OSBPL9: variants seen among roughly 807,000 people sequenced by gnomAD.
OSBPL9 encodes the protein oxysterol-binding protein-related protein 9.
In OSBPL9, 40 loss-of-function variants were observed where a neutral mutation model predicts 106.6. The ratio of observed to expected loss-of-function variants is 0.38; its 90% CI spans 0.29 to 0.49. OSBPL9 has a LOEUF of 0.49. Among genes scored for constraint, OSBPL9 ranks in the 20% least tolerant of loss-of-function variants. The pLI is 0.97. For synonymous variants in OSBPL9, 269 were observed against 295.4 expected (o/e 0.91, Z 0.92); for missense variants, 609 against 887.2 (o/e 0.69, Z 3.98).
intron 1 of OSBPL9, among the ~76,000 whole-genome samples, chr1:51,591,198 G>T (rs1035480009): frequency 2.0e-5 from 3 of 151,918 alleles, no homozygotes; most frequent in African/African-American, 4.8e-5. Flanking sequence ...GATTACAGGC[G>T]TGAGCCACCG....
intron 1 of OSBPL9, among the ~76,000 whole-genome samples, chr1:51,624,626 A>G (rs1319112763): frequency 6.6e-6 from 1 of 152,038 alleles, no homozygotes; most frequent in Non-Finnish European, 1.5e-5. Flanking sequence ...AAATAAATCC[A>G]AACACCCTGA....
At chr1:51,636,153 T>G (rs12746249) in intron 1 of OSBPL9, among the ~76,000 whole-genome samples, 1 of 100,494 alleles carries the variant, frequency 1.0e-5, no homozygotes, top group Non-Finnish European at 2.0e-5. Flanking sequence ...CTCTCTCTTG[T>G]TTTTTTTTTT....
intron 3 of OSBPL9, chr1:51,707,180 G>A (rs760846462): frequency 2.7e-5 from 11 of 406,094 alleles, no homozygotes; most frequent in African/African-American, 1.4e-4. Flanking sequence ...CCACCCTGTT[G>A]GTGTAGCCAG....
chr1:51,662,261 T>C (rs1647234715), intron 2 of OSBPL9, among the ~76,000 whole-genome samples: 2 of 151,996 alleles, frequency 1.3e-5, no homozygotes, highest in South Asian at 2.1e-4. Flanking sequence ...TGTTAAAGAG[T>C]ATAAAGACTT....
At chr1:51,534,236 T>C in the OSBPL9 span, among the ~76,000 whole-genome samples, 2 of 151,884 alleles carry the variant, frequency 1.3e-5, no homozygotes, top group Non-Finnish European at 2.9e-5. Context: ...CTGTTTATCA[T>C]GTTATGAAGT....
At chr1:51,596,669 A>G (rs1228159121) in intron 1 of OSBPL9, among the ~76,000 whole-genome samples, 1 of 151,952 alleles carries the variant, frequency 6.6e-6, no homozygotes, top group Non-Finnish European at 1.5e-5. Context: ...AATCCCAGCT[A>G]TTCAGGAGGC....
At chr1:51,602,330 C>T (rs968112169) in intron 2 of OSBPL9, among the ~76,000 whole-genome samples, 6 of 151,782 alleles carry the variant, frequency 4.0e-5, no homozygotes, top group South Asian at 2.1e-4. Context: ...ATTCTTCCAT[C>T]CTGCCTCTAC....
chr1:51,734,181 G>A (rs1665134962), intron 4 of OSBPL9, among the ~76,000 whole-genome samples: 1 of 152,176 alleles, frequency 6.6e-6, no homozygotes, highest in African/African-American at 2.4e-5. Flanking sequence ...GAGAACTGTA[G>A]TTCCTGCCAT....
intron 4 of OSBPL9, among the ~76,000 whole-genome samples, chr1:51,723,599 T>C (rs1662551396): frequency 6.6e-6 from 1 of 152,090 alleles, no homozygotes; most frequent in African/African-American, 2.4e-5. Flanking sequence ...CAGGCTGGAG[T>C]GCAGTGGCCC....
In OSBPL9 at chr1:51,785,794, C is replaced by T. The variant is rs201485404; in HGVS notation, c.1830-14C>T. On this transcript the variant is annotated splice_polypyrimidine_tract_variant and intron_variant, in intron 20 of 23. Coordinates refer to ENST00000428468, the MANE Select transcript of OSBPL9 (RefSeq NM_024586.6). ...CAACTTGAGACTAACACAAGTATTT[C>T]CTTTTCTGTTCAGTTCTCCAAATGA... is the stretch of plus-strand genomic sequence containing the variant. The T allele has an allele frequency of 7.2e-4, 1,160 of 1,610,410 alleles. 1 individual carries two copies. Among genetic ancestry groups the T allele is most frequent in the Non-Finnish European group, 9.1e-4 (1,073 of 1,177,314 alleles).
intron 4 of OSBPL9, among the ~76,000 whole-genome samples, chr1:51,717,647 A>C (rs192517660): frequency 1.4e-3 from 217 of 151,556 alleles, no homozygotes; most frequent in Non-Finnish European, 2.5e-3. Flanking sequence ...AACTACAATG[A>C]GATATCATTT....
chr1:51,779,806 G>C (rs1053318777), intron 15 of OSBPL9, among the ~76,000 whole-genome samples: 1 of 152,104 alleles, frequency 6.6e-6, no homozygotes, highest in Non-Finnish European at 1.5e-5. Context: ...GGCCGGGCGC[G>C]GTGGCTCACA....
chr1:51,762,676 T>C (rs1347212422), intron 11 of OSBPL9, among the ~76,000 whole-genome samples: 4 of 152,250 alleles, frequency 2.6e-5, no homozygotes, highest in Non-Finnish European at 1.5e-5. Flanking sequence ...GCATATACAC[T>C]TATGTCGTGT....
At chr1:51,577,728 C>G (rs1037381091) in intron 1 of OSBPL9, among the ~76,000 whole-genome samples, 1 of 152,206 alleles carries the variant, frequency 6.6e-6, no homozygotes, top group Non-Finnish European at 1.5e-5. Flanking sequence ...TGAGTACTTT[C>G]ATGCATCATC....
chr1:51,579,602 G>A (rs917959873), intron 1 of OSBPL9, among the ~76,000 whole-genome samples: 1 of 151,934 alleles, frequency 6.6e-6, no homozygotes, highest in Non-Finnish European at 1.5e-5. Flanking sequence ...CATAATAAAA[G>A]ACCCTGACCT....
intron 3 of OSBPL9, among the ~76,000 whole-genome samples, chr1:51,698,906 A>G (rs541997167): frequency 6.6e-6 from 1 of 152,280 alleles, no homozygotes; most frequent in South Asian, 2.1e-4. Context: ...TTGAATAATA[A>G]CCAGACATCT....
At chr1:51,668,724 G>A (rs1419233232) in intron 2 of OSBPL9, among the ~76,000 whole-genome samples, 3 of 152,178 alleles carry the variant, frequency 2.0e-5, no homozygotes, top group African/African-American at 7.2e-5. Flanking sequence ...GTTCCCCATT[G>A]TGTGTGCCTG....
At chr1:51,649,171 A>G (rs982817912) in intron 1 of OSBPL9, among the ~76,000 whole-genome samples, 4 of 152,114 alleles carry the variant, frequency 2.6e-5, no homozygotes, top group Admixed American at 2.6e-4. Context: ...CAGCAGTGCC[A>G]TCTCTGCTCA....
rs972572285 is a variant in OSBPL9, at chr1:51,746,859, T to C, written c.462+102T>C. On this transcript the variant is annotated intron_variant, in intron 6 of 23. Transcript: ENST00000428468. ...GTTTTTACTTACTATAATAATATTA[T>C]TGACCTAGTGTAATATTACTGCCAT... The C allele has an allele frequency of 3.3e-6, 3 of 916,114 alleles. No individual in the cohort carries two copies. In the African/African-American group the frequency reaches 5.1e-5, roughly 15 times the overall value. The allele number at this position is 916,114 out of a possible 1,614,324, so 56.7% of individuals were successfully genotyped here.
Sources: gnomAD v4.1 joint callset for allele counts (sites outside exome capture counted in the v4.1 genomes callset) on GRCh38, gnomAD v4.1.1 for gene constraint, MANE v1.5 for transcripts, NCBI Gene and HGNC (gene_info 2026-07-23, HGNC 2026-07-21) for gene names.